SLC36A1: variants seen among roughly 807,000 people sequenced by gnomAD.
The protein encoded by SLC36A1 is solute carrier family 36 member 1.
SLC36A1 carries 30 observed loss-of-function variants against 47.5 expected under a neutral mutation model. The observed-to-expected ratio is 0.63, with a 90% CI of 0.47 to 0.86. SLC36A1 has a LOEUF of 0.86. SLC36A1 is among the 40% of genes least tolerant of loss of function. SLC36A1 has a pLI of 0.00. For synonymous variants in SLC36A1, 255 were observed against 249.7 expected (o/e 1.02, Z -0.20); for missense variants, 517 against 606.0 (o/e 0.85, Z 1.54).
At chr5:151,512,550 G>C in the SLC36A1 span, 1 of 1,614,090 alleles carries the variant, frequency 6.2e-7, no homozygotes, top group Admixed American at 1.7e-5. This position sits in a 1 kb window ranked among gnomAD's most constrained non-coding sequence, Gnocchi z 4.1. Context: ...GGGAGGAAAG[G>C]TTTCCATAGA....
chr5:151,518,366 A>AT, the SLC36A1 span, among the ~76,000 whole-genome samples: 13,617 of 139,708 alleles, frequency 0.097, 739 homozygotes, highest in East Asian at 0.25. Context: ...AATAATAATA[A>AT]TAATAATAAT....
the SLC36A1 span, chr5:151,544,857 A>T: frequency 1.2e-6 from 2 of 1,614,190 alleles, no homozygotes; most frequent in East Asian, 4.5e-5. Flanking sequence ...CAGATACCTG[A>T]AAGAGGACAT....
chr5:151,537,279 G>T, the SLC36A1 span, among the ~76,000 whole-genome samples: 43 of 148,920 alleles, frequency 2.9e-4, no homozygotes, highest in Non-Finnish European at 3.0e-5. Flanking sequence ...GGTGGTGGTG[G>T]AGGAGGAGGA....
chr5:151,446,382 T>C (rs113417969), upstream of SLC36A1, among the ~76,000 whole-genome samples: 2,159 of 152,066 alleles, frequency 0.014, 24 homozygotes, highest in Middle Eastern at 0.054. Context: ...AATACAAAAT[T>C]AGTCGCGCGT....
the SLC36A1 span, among the ~76,000 whole-genome samples, chr5:151,538,356 T>C: frequency 6.6e-6 from 1 of 152,150 alleles, no homozygotes; most frequent in South Asian, 2.1e-4. Context: ...TTCTGGAAGG[T>C]GTCAGGTCAA....
the SLC36A1 span, chr5:151,551,382 C>A: frequency 7.0e-7 from 1 of 1,419,530 alleles, no homozygotes; most frequent in South Asian, 1.3e-5. Context: ...ACACCACATC[C>A]ACAGAAAACC....
the SLC36A1 span, among the ~76,000 whole-genome samples, chr5:151,526,648 A>G: frequency 2.0e-5 from 3 of 152,214 alleles, no homozygotes; most frequent in Non-Finnish European, 1.5e-5. Flanking sequence ...TATTCTCAGA[A>G]AAGATATTTT....
intron 7 of SLC36A1, among the ~76,000 whole-genome samples, chr5:151,469,625 G>C (rs1190508679): frequency 6.6e-6 from 1 of 152,048 alleles, no homozygotes; most frequent in Non-Finnish European, 1.5e-5. Flanking sequence ...TGAAGAGTGT[G>C]CACTTTTGAA....
chr5:151,385,009 A>AGAGAGTGTGTGTGTGTGT, the SLC36A1 span, among the ~76,000 whole-genome samples: 158 of 128,498 alleles, frequency 1.2e-3, no homozygotes, highest in African/African-American at 3.9e-3. Flanking sequence ...AGAGAGAGAG[A>AGAGAGTGTGTGTGTGTGT]GTGTGTGTGT....
the SLC36A1 span, chr5:151,521,510 C>T: frequency 1.9e-5 from 31 of 1,614,214 alleles, no homozygotes; most frequent in African/African-American, 2.0e-4. Context: ...TCCTGAAACT[C>T]GTAGAAGGTT....
the SLC36A1 span, chr5:151,549,434 G>T: frequency 6.2e-7 from 1 of 1,614,166 alleles, no homozygotes; most frequent in Non-Finnish European, 8.5e-7. Context: ...GGGGTGGGTG[G>T]AGGTTTCCAT....
At chr5:151,519,925 C>G in the SLC36A1 span, among the ~76,000 whole-genome samples, 1 of 152,194 alleles carries the variant, frequency 6.6e-6, no homozygotes, top group Non-Finnish European at 1.5e-5. Flanking sequence ...AGGAGCATGT[C>G]TCTTTAAAAT....
the SLC36A1 span, among the ~76,000 whole-genome samples, chr5:151,530,482 A>T: frequency 2.6e-5 from 4 of 152,240 alleles, no homozygotes; most frequent in Non-Finnish European, 5.9e-5. Context: ...ACATGACTCA[A>T]CTGTTTCATT....
chr5:151,537,819 T>G, the SLC36A1 span: 2 of 1,611,544 alleles, frequency 1.2e-6, no homozygotes, highest in Non-Finnish European at 1.7e-6. Context: ...CTTGAATTCA[T>G]GCGCCCCAGG....
intron 1 of SLC36A1, among the ~76,000 whole-genome samples, chr5:151,457,315 A>G (rs1215075907): frequency 6.6e-6 from 1 of 151,870 alleles, no homozygotes; most frequent in East Asian, 1.9e-4. Flanking sequence ...GCTTAGAGTG[A>G]CCTGTGAAGG....
the SLC36A1 span, among the ~76,000 whole-genome samples, chr5:151,386,015 G>A: frequency 1.3e-5 from 2 of 151,822 alleles, no homozygotes; most frequent in African/African-American, 4.8e-5. Flanking sequence ...GTGATTATAG[G>A]CGCCCGCCAC....
At chr5:151,474,159 C>CAAAAAAAAAAAA (rs1156305401) in intron 8 of SLC36A1, among the ~76,000 whole-genome samples, 4 of 59,944 alleles carry the variant, frequency 6.7e-5, no homozygotes, top group African/African-American at 2.5e-4. Context: ...GACTCTGTCT[C>CAAAAAAAAAAAA]AAAAAAAAAA....
At chr5:151,349,874 AT>A in the SLC36A1 span, among the ~76,000 whole-genome samples, 26,743 of 152,090 alleles carry the variant, frequency 0.18, 2,801 homozygotes, top group Non-Finnish European at 0.24. Flanking sequence ...GTGCCATGTT[AT>A]TTTTGCCAAG....
chr5:151,541,643 A>T, the SLC36A1 span, among the ~76,000 whole-genome samples: 4 of 152,250 alleles, frequency 2.6e-5, no homozygotes, highest in Admixed American at 2.0e-4. Flanking sequence ...TAGCTGGCTT[A>T]GCCACTGGAT....
Sources: allele counts gnomAD v4.1 joint callset (sites outside exome capture counted in the v4.1 genomes callset), GRCh38; gene constraint gnomAD v4.1.1; non-coding constraint Gnocchi (gnomAD v3.1); transcripts MANE v1.5; gene names NCBI Gene and HGNC (gene_info 2026-07-23, HGNC 2026-07-21).